SLCO1B3: variants seen among roughly 807,000 people sequenced by gnomAD.
SLCO1B3 encodes liver-specific organic anion transporter 2.
A neutral mutation model predicts 71.8 loss-of-function variants in SLCO1B3; 72 were observed. The observed-to-expected ratio is 1.00, with a 90% CI of 0.83 to 1.22. The LOEUF is 1.22. Ranked by LOEUF, SLCO1B3 falls within the 50% of genes most tolerant of loss-of-function variation. The pLI, the probability that SLCO1B3 is intolerant of heterozygous loss-of-function variation, is 0.00. For missense variants in SLCO1B3, 911 were observed against 819.7 expected, an observed-to-expected ratio of 1.11 and a Z score of -1.36; for synonymous variants, 298 against 278.4, an observed-to-expected ratio of 1.07 and a Z score of -0.70.
chr12:20,839,691 G>A (rs754708742), intron 3 of SLCO1B3, among the ~76,000 whole-genome samples: 6 of 151,912 alleles, frequency 3.9e-5, no homozygotes, highest in Non-Finnish European at 8.8e-5. Flanking sequence ...CAAGATCTGT[G>A]GTATGTTGTC....
At chr12:20,893,445 G>T (rs1416533857) in intron 13 of SLCO1B3, among the ~76,000 whole-genome samples, 1 of 152,120 alleles carries the variant, frequency 6.6e-6, no homozygotes, top group Non-Finnish European at 1.5e-5. Context: ...ATGGTAGGGT[G>T]GTGCACTTCT....
chr12:20,843,134 G>C (rs766101267), intron 3 of SLCO1B3, among the ~76,000 whole-genome samples: 25 of 152,062 alleles, frequency 1.6e-4, no homozygotes, highest in Non-Finnish European at 3.5e-4. Context: ...CATGTTCTTT[G>C]ATACGCCTCT....
intron 13 of SLCO1B3, among the ~76,000 whole-genome samples, chr12:20,893,118 T>C (rs1452938424): frequency 6.6e-6 from 1 of 152,068 alleles, no homozygotes; most frequent in Non-Finnish European, 1.5e-5. Flanking sequence ...GTAACAGATA[T>C]ATTAAAGGGA....
intron 13 of SLCO1B3, among the ~76,000 whole-genome samples, chr12:20,891,959 C>G (rs2121341806): frequency 6.6e-6 from 1 of 151,670 alleles, no homozygotes; most frequent in South Asian, 2.1e-4. Flanking sequence ...TTTTAACTTT[C>G]TTTTGGATCT....
chr12:20,892,032 A>G (rs1865913935), intron 13 of SLCO1B3, among the ~76,000 whole-genome samples: 1 of 152,010 alleles, frequency 6.6e-6, no homozygotes. Flanking sequence ...TTTAGAATCA[A>G]TATTTTGGAT....
Position 20,855,100 on chromosome 12 carries a change from A to G in SLCO1B3, c.157A>G (p.Thr53Ala). 6.2e-7 allele frequency: 1 copy of G among 1,611,698 alleles called. No individual in the cohort carries two copies. Among genetic ancestry groups the G allele is most frequent in the African/African-American group, 1.3e-5 (1 of 74,996 alleles). Residue 53 changes from threonine (T) to alanine (A), a missense_variant, in exon 4 of 16, where the codon ACT becomes GCT. Thr to Ala is a moderately conservative substitution (Grantham distance 58). Coordinates refer to ENST00000381545, the MANE Select transcript of SLCO1B3 (RefSeq NM_019844.4). ...TGGAATCATTATGAAAATTTCCATC[A>G]CTCAAATAGAAAGGAGATTTGACAT... ...LGGIIMKISI[T>A]QIERRFDISS...
At chr12:20,819,183 T>G (rs1864246225) in intron 3 of SLCO1B3, among the ~76,000 whole-genome samples, 1 of 152,124 alleles carries the variant, frequency 6.6e-6, no homozygotes, top group Non-Finnish European at 1.5e-5. Context: ...GGCTCTTGTG[T>G]AAGAATTCTG....
intron 15 of SLCO1B3, among the ~76,000 whole-genome samples, chr12:20,903,702 C>G (rs1866174385): frequency 6.6e-6 from 1 of 152,162 alleles, no homozygotes; most frequent in African/African-American, 2.4e-5. Context: ...CCAGTCACCT[C>G]CCACCAGGTT....
At chr12:20,897,809 T>C (rs1360750182) in intron 13 of SLCO1B3, among the ~76,000 whole-genome samples, 1 of 152,204 alleles carries the variant, frequency 6.6e-6, no homozygotes, top group Admixed American at 6.5e-5. Flanking sequence ...ACAGGGATGG[T>C]AGTGTCATCA....
chr12:20,836,874 C>T (rs531137278), intron 3 of SLCO1B3, among the ~76,000 whole-genome samples: 156 of 152,166 alleles, frequency 1.0e-3, no homozygotes, highest in Non-Finnish European at 2.0e-3. Flanking sequence ...ATCTCCTGAC[C>T]TCGGGATCCG....
intron 3 of SLCO1B3, among the ~76,000 whole-genome samples, chr12:20,828,054 A>G (rs1243755340): frequency 2.0e-5 from 3 of 152,170 alleles, no homozygotes; most frequent in Admixed American, 6.6e-5. Context: ...TTATGATTGT[A>G]TAGAAGACCA....
At chr12:20,912,506 T>G (rs1311265013) in intron 15 of SLCO1B3, among the ~76,000 whole-genome samples, 1 of 149,816 alleles carries the variant, frequency 6.7e-6, no homozygotes, top group Non-Finnish European at 1.5e-5. Context: ...TTTTTTTTTT[T>G]TTTTTTGTAT....
At chr12:20,886,913 CTG>C (rs2121324609) in intron 13 of SLCO1B3, among the ~76,000 whole-genome samples, 1 of 152,126 alleles carries the variant, frequency 6.6e-6, no homozygotes, top group East Asian at 1.9e-4. Context: ...TTATTCCACT[CTG>C]TAAGTCCTTG....
At chr12:20,823,679 G>A (rs899612197) in intron 3 of SLCO1B3, among the ~76,000 whole-genome samples, 4 of 152,200 alleles carry the variant, frequency 2.6e-5, no homozygotes, top group African/African-American at 7.2e-5. Flanking sequence ...CACTACGAAT[G>A]TAAGATTAGA....
intron 9 of SLCO1B3, among the ~76,000 whole-genome samples, chr12:20,876,305 T>C (rs1865577608): frequency 6.6e-6 from 1 of 152,078 alleles, no homozygotes; most frequent in Non-Finnish European, 1.5e-5. Flanking sequence ...CAGAGCAAGA[T>C]ATATCAAATG....
At chr12:20,862,694 G>T in intron 7 of SLCO1B3, 62 bp from the exon 8 acceptor site, 1 of 1,475,090 alleles carries the variant, frequency 6.8e-7, no homozygotes, top group South Asian at 1.2e-5. Context: ...ACTTTTAAAA[G>T]CATGTTAAAT....
rs368956405 is a variant in SLCO1B3, at chr12:20,831,246, A to G, written c.84+15424A>G. ...GTGGCACGCGCCTGTAGTTCCAGCT[A>G]CTTAGGAGGCTGAGGCAGAAGAGTC... On this transcript the variant is annotated intron_variant, in intron 3 of 15. Coordinates refer to ENST00000381545, the MANE Select transcript of SLCO1B3 (RefSeq NM_019844.4). Among the ~76,000 whole-genome samples, 162 of 150,828 alleles carry G rather than the reference A, an allele frequency of 1.1e-3. 4 individuals are homozygous for G. The South Asian group carries it at 0.033, about 31-fold the overall frequency.
At chr12:20,822,419 C>A (rs527920962) in intron 3 of SLCO1B3, among the ~76,000 whole-genome samples, 20 of 151,834 alleles carry the variant, frequency 1.3e-4, no homozygotes, top group African/African-American at 4.3e-4. Flanking sequence ...AGCTTCTGAG[C>A]CAGGAGAAGG....
chr12:20,830,419 T>G (rs7133030), intron 3 of SLCO1B3, among the ~76,000 whole-genome samples: 69,619 of 151,920 alleles, frequency 0.46, 16,506 homozygotes, highest in African/African-American at 0.54. Flanking sequence ...TGAGGGTATG[T>G]TCACAATTCT....
Sources: gnomAD v4.1 joint callset for allele counts (sites outside exome capture counted in the v4.1 genomes callset) on GRCh38, gnomAD v4.1.1 for gene constraint, MANE v1.5 for transcripts, NCBI Gene and HGNC (gene_info 2026-07-23, HGNC 2026-07-21) for gene names.